IPO11: variants seen among roughly 807,000 people sequenced by gnomAD.
The protein encoded by IPO11 is importin 11.
A neutral mutation model predicts 143.2 loss-of-function variants in IPO11; 66 were observed. The ratio of observed to expected loss-of-function variants is 0.46; its 90% CI spans 0.38 to 0.57. The LOEUF (loss-of-function observed/expected upper bound fraction) is 0.57. Ranked by LOEUF, IPO11 falls within the 20% of genes least tolerant of loss-of-function variation. The pLI, the probability that IPO11 is intolerant of heterozygous loss-of-function variation, is 0.00. For missense variants in IPO11, 1,026 were observed against 1,141.0 expected, an observed-to-expected ratio of 0.90 and a Z score of 1.45; for synonymous variants, 385 against 377.8, an observed-to-expected ratio of 1.02 and a Z score of -0.22.
intron 20 of IPO11, among the ~76,000 whole-genome samples, chr5:62,523,790 T>G (rs1742279020): frequency 6.6e-6 from 1 of 152,206 alleles, no homozygotes; most frequent in Non-Finnish European, 1.5e-5. Context: ...GTTGATTGTT[T>G]GGAATTCAGA....
chr5:62,571,027 G>A (rs1215754635), intron 27 of IPO11, among the ~76,000 whole-genome samples: 1 of 152,118 alleles, frequency 6.6e-6, no homozygotes, highest in African/African-American at 2.4e-5. Context: ...GCTCCAACAA[G>A]GATAACACTA....
At chr5:62,609,595 G>A (rs1745857680) in intron 29 of IPO11, among the ~76,000 whole-genome samples, 1 of 152,248 alleles carries the variant, frequency 6.6e-6, no homozygotes, top group Non-Finnish European at 1.5e-5. Context: ...TCCTAGACCA[G>A]TGTAGAGACA....
At chr5:62,451,501 C>T (rs184021021) in intron 4 of IPO11, among the ~76,000 whole-genome samples, 16 of 152,244 alleles carry the variant, frequency 1.1e-4, no homozygotes, top group East Asian at 1.9e-4. Context: ...AAGAAAACCT[C>T]GTTTCACACT....
intron 27 of IPO11, among the ~76,000 whole-genome samples, chr5:62,576,717 A>T (rs1192201253): frequency 6.6e-6 from 1 of 152,200 alleles, no homozygotes; most frequent in Non-Finnish European, 1.5e-5. Context: ...TGGGAGGTCG[A>T]TGCTGTGGTG....
At chr5:62,578,049 A>G (rs1744387032) in intron 27 of IPO11, among the ~76,000 whole-genome samples, 1 of 152,084 alleles carries the variant, frequency 6.6e-6, no homozygotes, top group South Asian at 2.1e-4. Flanking sequence ...TTTGTTCTAA[A>G]AGATTCAAAC....
chr5:62,619,094 A>T (rs1746251886), intron 29 of IPO11, among the ~76,000 whole-genome samples: 2 of 152,020 alleles, frequency 1.3e-5, no homozygotes, highest in African/African-American at 4.8e-5. Flanking sequence ...ATGGTATTGC[A>T]CGCCTGTAGT....
In IPO11 at chr5:62,504,686, C is replaced by A; in HGVS notation, c.1610C>A (p.Thr537Lys). ...TTTTAGGTCCGTATTGAAACAGCTACAACTTTGAAGTTAAATATCCTTCTG... is the reference window on the plus strand; with the variant it reads ...TTTTAGGTCCGTATTGAAACAGCTAAAACTTTGAAGTTAAATATCCTTCTG... Reference protein sequence around the residue: ...QDLVVRIETATTLKLTVDDFE... With the variant: ...QDLVVRIETAKTLKLTVDDFE... The change falls in exon 17 of 30, where the codon ACA (threonine) becomes AAA (lysine). Residue 537 changes from threonine (T) to lysine (K), a missense_variant. Physicochemically the swap from Thr to Lys is moderately conservative, Grantham distance 78 (BLOSUM62 -1). Around this residue, in one of 5 missense-constraint regions of IPO11, gnomAD observed 237 missense variants for 288.0 expected, o/e 0.82. Coordinates refer to ENST00000325324, the MANE Select transcript of IPO11 (RefSeq NM_016338.5). 2 of 1,484,268 alleles carry A rather than the reference C, an allele frequency of 1.3e-6. No homozygotes were observed. The highest frequency in any genetic ancestry group is 1.8e-6 in the Non-Finnish European group (2 of 1,081,758). 91.9% of individuals were successfully genotyped at this position (1,484,268 alleles called of 1,614,324 possible).
In IPO11 at chr5:62,451,888, A is replaced by G. The variant is rs1175854451; in HGVS notation, c.471A>G (p.Thr157=). 1.9e-6 allele frequency: 3 copies of G among 1,614,148 alleles called. No individual in the cohort carries two copies. Among genetic ancestry groups the G allele is most frequent in the Non-Finnish European group, 1.7e-6 (2 of 1,179,950 alleles). Residue 157 remains threonine, a synonymous_variant, in exon 5 of 30, where the codon ACA becomes ACG. Coordinates refer to ENST00000325324, the MANE Select transcript of IPO11 (RefSeq NM_016338.5). Reference sequence around the variant, plus strand: ...TTACCTTCTATCATGTTACCAAGACACTGGCATCTAAACGACTTGCTGCTG... The same window carrying G: ...TTACCTTCTATCATGTTACCAAGACGCTGGCATCTAAACGACTTGCTGCTG... ...ALLTFYHVTK[T]LASKRLAADR...
At chr5:62,425,518 ATGT>A (rs1743700689) in intron 1 of IPO11, among the ~76,000 whole-genome samples, 1 of 151,994 alleles carries the variant, frequency 6.6e-6, no homozygotes, top group Admixed American at 6.6e-5. Flanking sequence ...GGGTTTCACC[ATGT>A]TGTTCAGGCT....
chr5:62,600,879 C>T (rs1019018078), intron 28 of IPO11, among the ~76,000 whole-genome samples: 1 of 152,128 alleles, frequency 6.6e-6, no homozygotes, highest in Non-Finnish European at 1.5e-5. Context: ...GAAATAGAAA[C>T]GAAAGACACT....
At chr5:62,621,887 A>G (rs2112482978) in intron 29 of IPO11, among the ~76,000 whole-genome samples, 1 of 152,282 alleles carries the variant, frequency 6.6e-6, no homozygotes, top group South Asian at 2.1e-4. Flanking sequence ...ATTAAAAAAA[A>G]AAGTCATCAA....
At chr5:62,485,539 A>T in intron 12 of IPO11, 77 bp downstream of exon 12, 2 of 1,163,820 alleles carry the variant, frequency 1.7e-6, no homozygotes, top group Non-Finnish European at 2.5e-6. Context: ...ATGACACTCT[A>T]TTAAAGATTC....
chr5:62,457,079 C>G (rs989283538), intron 5 of IPO11, among the ~76,000 whole-genome samples: 1 of 152,108 alleles, frequency 6.6e-6, no homozygotes, highest in Non-Finnish European at 1.5e-5. Flanking sequence ...GACTCTGTCT[C>G]TGGGGTGGGG....
chr5:62,551,413 T>A (rs1353767660), intron 26 of IPO11, 77 bp downstream of exon 26: 2 of 797,808 alleles, frequency 2.5e-6, no homozygotes, highest in Non-Finnish European at 4.1e-6. Flanking sequence ...AAATAATGAG[T>A]CTTTGTAAAA....
intron 28 of IPO11, among the ~76,000 whole-genome samples, chr5:62,600,610 T>A (rs1197633652): frequency 3.3e-5 from 5 of 152,124 alleles, no homozygotes; most frequent in Non-Finnish European, 1.5e-5. Flanking sequence ...TTAAATAGCT[T>A]TTGGGTTGAT....
intron 12 of IPO11, among the ~76,000 whole-genome samples, chr5:62,485,756 A>G (rs1746375059): frequency 6.6e-6 from 1 of 151,768 alleles, no homozygotes; most frequent in Admixed American, 6.6e-5. Flanking sequence ...AATCTGAGGC[A>G]GGAGGATTGT....
intron 16 of IPO11, among the ~76,000 whole-genome samples, chr5:62,499,569 C>CGTTTTTTTTTTTTTTTTTTTTT (rs773008330): frequency 1.0e-5 from 1 of 100,104 alleles, no homozygotes; most frequent in African/African-American, 3.8e-5. Context: ...CTTACTCTAA[C>CGTTTTTTTTTTTTTTTTTTTTT]TTTTTTTTTT....
At chr5:62,493,429 C>T (rs76736925) in intron 15 of IPO11, among the ~76,000 whole-genome samples, 7 of 152,146 alleles carry the variant, frequency 4.6e-5, no homozygotes, top group African/African-American at 1.4e-4. Flanking sequence ...ACCTACATTG[C>T]GGTTCTTTAA....
intron 20 of IPO11, among the ~76,000 whole-genome samples, chr5:62,519,477 A>G (rs778508032): frequency 2.6e-5 from 4 of 152,196 alleles, no homozygotes; most frequent in Non-Finnish European, 5.9e-5. Context: ...ACTTCCCTGC[A>G]TAGAAGATGA....
Sources: gnomAD v4.1 joint callset for allele counts (sites outside exome capture counted in the v4.1 genomes callset) on GRCh38, gnomAD v4.1.1 for gene constraint, gnomAD v4.1.1 regional missense constraint, MANE v1.5 for transcripts, NCBI Gene and HGNC (gene_info 2026-07-23, HGNC 2026-07-21) for gene names.